The following MRPS27 variants were observed in gnomAD, a reference collection of about 807,000 sequenced individuals.
MRPS27 encodes small ribosomal subunit protein mS27.
In MRPS27, 43 loss-of-function variants were observed where a neutral mutation model predicts 48.9. That is an observed-to-expected ratio of 0.88 (90% CI 0.69 to 1.13). The LOEUF (loss-of-function observed/expected upper bound fraction) is 1.13, where lower values mean the gene tolerates loss of function less well. MRPS27 is among the 50% of genes most tolerant of loss of function. The probability of loss-of-function intolerance (pLI) is 0.00; values close to 1 mark genes in which losing one functional copy is unlikely to be tolerated. For missense variants in MRPS27, 467 were observed against 476.3 expected (o/e 0.98, Z 0.18); for synonymous variants, 188 against 171.9 (o/e 1.09, Z -0.73).
chr5:72,319,360 G>A (rs1750672951), intron 1 of MRPS27, among the ~76,000 whole-genome samples: 1 of 152,040 alleles, frequency 6.6e-6, no homozygotes, highest in South Asian at 2.1e-4. Context: ...TCAATCAAAA[G>A]TTGTGCTCTA....
chr5:72,230,526 C>T lies in MRPS27; in HGVS notation c.591+1917G>A, dbSNP rs549797427. Among the ~76,000 whole-genome samples the T allele has an allele frequency of 2.0e-5, 3 of 152,296 alleles. No individual in the cohort carries two copies. In the South Asian group the frequency reaches 6.2e-4, roughly 32 times the overall value. ...TCATCTTACCCTACCCCTTTGGAAG[C>T]ATTCTACATAGCAGACCATCTCTTC... On this transcript the variant is annotated intron_variant, in intron 7 of 10. Transcript: ENST00000261413.
intron 4 of MRPS27, among the ~76,000 whole-genome samples, chr5:72,262,675 A>G (rs951952934): frequency 4.6e-5 from 7 of 152,212 alleles, no homozygotes; most frequent in African/African-American, 1.7e-4. Context: ...AAAGGGGGAG[A>G]GAGTTCCATC....
chr5:72,235,972 G>C (rs186127371), intron 5 of MRPS27, among the ~76,000 whole-genome samples: 3 of 152,266 alleles, frequency 2.0e-5, no homozygotes. Flanking sequence ...CCTTGAGATA[G>C]AAATGCTTTT....
At chr5:72,279,524 A>T (rs1047088271) in intron 4 of MRPS27, among the ~76,000 whole-genome samples, 2 of 152,204 alleles carry the variant, frequency 1.3e-5, no homozygotes, top group Non-Finnish European at 2.9e-5. Context: ...TAGGAGGCGA[A>T]GATGGGAGGA....
At chr5:72,313,944 C>A in intron 2 of MRPS27, 137 bp downstream of exon 2, 1 of 630,040 alleles carries the variant, frequency 1.6e-6, no homozygotes, top group Non-Finnish European at 2.6e-6. Flanking sequence ...AAGTCTAACT[C>A]TTTAAGACTT....
chr5:72,268,627 G>T (rs1342307142), intron 4 of MRPS27, among the ~76,000 whole-genome samples: 1 of 152,132 alleles, frequency 6.6e-6, no homozygotes, highest in East Asian at 1.9e-4. Flanking sequence ...AAAAAATTAT[G>T]GATCAAGGTC....
intron 2 of MRPS27, among the ~76,000 whole-genome samples, chr5:72,307,687 C>G (rs778813718): frequency 9.9e-5 from 15 of 151,320 alleles, no homozygotes; most frequent in Non-Finnish European, 5.9e-5. Flanking sequence ...AAAAAAAAAT[C>G]TGTGGCGTTA....
chr5:72,237,332 T>C lies in MRPS27; in HGVS notation c.396+682A>G, dbSNP rs79376387. Among the ~76,000 whole-genome samples the C allele has an allele frequency of 1.4e-3, 218 of 152,186 alleles. 2 individuals carry two copies. In the East Asian group the frequency reaches 0.036, roughly 25 times the overall value. On this transcript the variant is annotated intron_variant, in intron 5 of 10. Coordinates refer to ENST00000261413, the MANE Select transcript of MRPS27 (RefSeq NM_015084.3). The stretch of plus-strand genomic sequence containing the variant: ...CAAACTGTATATAATATATATTAAG[T>C]TGAACTGGTGCAACTGGAAATAAAA...
At chr5:72,300,754 C>CACCAGTAGAAA (rs1561361181) in intron 2 of MRPS27, among the ~76,000 whole-genome samples, 1 of 152,186 alleles carries the variant, frequency 6.6e-6, no homozygotes, top group East Asian at 1.9e-4. Flanking sequence ...ATCTCCTGAC[C>CACCAGTAGAAA]TTGTTTTAAC....
intron 2 of MRPS27, among the ~76,000 whole-genome samples, chr5:72,309,191 T>C (rs1286128438): frequency 6.6e-6 from 1 of 151,572 alleles, no homozygotes; most frequent in East Asian, 1.9e-4. Context: ...AAATGGTGGC[T>C]AGTACTGCTT....
intron 4 of MRPS27, among the ~76,000 whole-genome samples, chr5:72,251,526 T>TATA (rs1748665444): frequency 6.6e-6 from 1 of 152,204 alleles, no homozygotes; most frequent in Admixed American, 6.5e-5. Flanking sequence ...AAGGCACTGT[T>TATA]ATAATACAAT....
intron 2 of MRPS27, among the ~76,000 whole-genome samples, chr5:72,300,477 T>G (rs1442643878): frequency 6.6e-6 from 1 of 152,218 alleles, no homozygotes; most frequent in Non-Finnish European, 1.5e-5. Context: ...ATTACATAGG[T>G]GATATTTCCA....
intron 4 of MRPS27, among the ~76,000 whole-genome samples, chr5:72,250,461 C>T (rs776963474): frequency 1.3e-5 from 2 of 152,094 alleles, no homozygotes; most frequent in Admixed American, 6.5e-5. Context: ...AAAGAAGTGA[C>T]AAAATTACTG....
chr5:72,286,642 A>C (rs1749680715), intron 4 of MRPS27, among the ~76,000 whole-genome samples: 4 of 152,198 alleles, frequency 2.6e-5, no homozygotes. Context: ...TTTAAAATTA[A>C]CATGGGATAT....
Position 72,234,141 on chromosome 5 carries a change from GAAAGAATCCATCAGTAAATTGAATGT to G in MRPS27, c.427_452del (p.Thr143HisfsTer15). ...TACCTTTGTAATTTTCTTTCTTTAT[GAAAGAATCCATCAGTAAATTGAATGT>G]AAAGTTATCTGGAAAAATTCCATAT... On this transcript the variant is annotated frameshift_variant, in exon 6 of 11. Transcript: ENST00000261413. LOFTEE classifies it high-confidence loss of function. 1 of 1,522,870 alleles carries G rather than the reference GAAAGAATCCATCAGTAAATTGAATGT, an allele frequency of 6.6e-7. No individual in the cohort carries two copies. The highest frequency in any genetic ancestry group is 1.3e-5 in the South Asian group (1 of 74,436). The allele number at this position is 1,522,870 out of a possible 1,614,324, so 94.3% of individuals were successfully genotyped here.
intron 4 of MRPS27, among the ~76,000 whole-genome samples, chr5:72,242,433 A>AG (rs1561335690): frequency 6.6e-6 from 1 of 151,298 alleles, no homozygotes; most frequent in Non-Finnish European, 1.5e-5. Flanking sequence ...AGAGTGAAAA[A>AG]AAAAAAAAAA....
At chr5:72,309,909 A>G (rs1750395270) in intron 2 of MRPS27, among the ~76,000 whole-genome samples, 1 of 152,252 alleles carries the variant, frequency 6.6e-6, no homozygotes, top group African/African-American at 2.4e-5. Flanking sequence ...CTTGATTGTC[A>G]CAATGACTGA....
At chr5:72,221,845 TAC>T (rs1747751208) in intron 10 of MRPS27, among the ~76,000 whole-genome samples, 1 of 152,050 alleles carries the variant, frequency 6.6e-6, no homozygotes, top group African/African-American at 2.4e-5. Flanking sequence ...ATTGCCTGCT[TAC>T]AGCTCCATCT....
chr5:72,249,786 C>T (rs1352730405), intron 4 of MRPS27, among the ~76,000 whole-genome samples: 3 of 152,026 alleles, frequency 2.0e-5, no homozygotes, highest in Non-Finnish European at 4.4e-5. Context: ...CAGAGACCAT[C>T]CTGGCTAACA....
Sources: allele counts gnomAD v4.1 joint callset (sites outside exome capture counted in the v4.1 genomes callset), GRCh38; gene constraint gnomAD v4.1.1; transcripts MANE v1.5; gene names NCBI Gene and HGNC (gene_info 2026-07-23, HGNC 2026-07-21).